Variants in CSMD1 observed in about 807,000 individuals in gnomAD.
CSMD1 encodes the protein CUB and Sushi multiple domains 1, also known as CUB and sushi domain-containing protein 1.
A neutral mutation model predicts 417.5 loss-of-function variants in CSMD1; 213 were observed. The observed-to-expected ratio is 0.51, with a 90% CI of 0.46 to 0.57. CSMD1 has a LOEUF of 0.57. CSMD1 is among the 20% of genes least tolerant of loss of function. The probability of loss-of-function intolerance (pLI) is 0.00; values close to 1 mark genes in which losing one functional copy is unlikely to be tolerated. For synonymous variants in CSMD1, 2,862 were observed against 1,736.8 expected, an observed-to-expected ratio of 1.65 and a Z score of -16.11; for missense variants, 6,923 against 4,529.7, an observed-to-expected ratio of 1.53 and a Z score of -15.17.
At position 4,262,906 on chromosome 8, in the gene CSMD1, T is replaced by C. The variant is rs182540694; in HGVS notation, c.415+157047A>G. ...CTCAAAACTGCCATCACAGAAGTCA[T>C]CATTTAAATTAATGATGAACCATAA... On this transcript the variant is annotated intron_variant, in intron 3 of 69. Transcript: ENST00000635120. Among the ~76,000 whole-genome samples, 6 of 152,274 alleles carry C rather than the reference T, an allele frequency of 3.9e-5. No individual in the cohort carries two copies. In the East Asian group the frequency reaches 5.8e-4, roughly 15 times the overall value.
intron 5 of CSMD1, among the ~76,000 whole-genome samples, chr8:3,775,001 C>A (rs1024613842): frequency 1.3e-5 from 2 of 151,964 alleles, no homozygotes; most frequent in South Asian, 4.1e-4. Flanking sequence ...TTCCCACTCC[C>A]GGCAGGACCA....
chr8:3,354,275 G>C (rs575852612), intron 21 of CSMD1, among the ~76,000 whole-genome samples: 80 of 152,242 alleles, frequency 5.3e-4, no homozygotes, highest in African/African-American at 1.9e-3. Context: ...ACATTTAACA[G>C]AGATGTTTCT....
chr8:3,582,832 C>G (rs528779051), intron 9 of CSMD1, among the ~76,000 whole-genome samples: 1 of 152,238 alleles, frequency 6.6e-6, no homozygotes, highest in Non-Finnish European at 1.5e-5. Flanking sequence ...CCTTTTTAGT[C>G]TAGCTACTAA....
At chr8:4,383,346 TGA>T (rs1803229553) in intron 3 of CSMD1, among the ~76,000 whole-genome samples, 1 of 152,154 alleles carries the variant, frequency 6.6e-6, no homozygotes, top group East Asian at 1.9e-4. Context: ...GATTTTATGA[TGA>T]GAGAGTTTTC....
intron 25 of CSMD1, among the ~76,000 whole-genome samples, chr8:3,292,541 C>G (rs565573194): frequency 6.6e-6 from 1 of 152,038 alleles, no homozygotes; most frequent in African/African-American, 2.4e-5. Context: ...TTTAGGAGAG[C>G]TAGCTTTTCT....
intron 5 of CSMD1, among the ~76,000 whole-genome samples, chr8:3,840,854 C>G (rs1005657515): frequency 6.6e-6 from 1 of 151,790 alleles, no homozygotes; most frequent in Non-Finnish European, 1.5e-5. Context: ...CGTACAGGCG[C>G]CTGTGACTAC....
chr8:4,223,548 G>T (rs964630506), intron 3 of CSMD1, among the ~76,000 whole-genome samples: 1 of 152,230 alleles, frequency 6.6e-6, no homozygotes, highest in Admixed American at 6.5e-5. Context: ...CACCAGGAGA[G>T]CTGGCCTGCA....
chr8:4,843,225 A>T (rs781022566), intron 1 of CSMD1, among the ~76,000 whole-genome samples: 3 of 152,178 alleles, frequency 2.0e-5, no homozygotes, highest in Admixed American at 6.5e-5. Flanking sequence ...GCTTTCCTGC[A>T]TCTTGTGATT....
chr8:4,594,138 G>A (rs1043004467), intron 2 of CSMD1, among the ~76,000 whole-genome samples: 3 of 144,260 alleles, frequency 2.1e-5, no homozygotes, highest in African/African-American at 5.1e-5. Flanking sequence ...CACTGGTCAT[G>A]TTGAATTAGG....
Position 3,128,691 on chromosome 8 carries a change from G to A in CSMD1, c.6242-10104C>T, listed in dbSNP as rs74304337. The A allele has an allele frequency of 4.3e-3, 1,497 of 351,480 alleles. 33 individuals carry two copies. The East Asian group carries it at 0.048, about 11-fold the overall frequency. 21.8% of individuals were successfully genotyped at this position (351,480 alleles called of 1,614,324 possible). A position where few individuals can be genotyped will look rare whatever the true frequency, so the allele number is the denominator to read the frequency against. ...CTCTGTCAGATATGATACCCTACAA[G>A]AAAATAAAATAGCTCAAATTCATGT... On this transcript the variant is annotated intron_variant, in intron 41 of 69. Coordinates refer to ENST00000635120, the MANE Select transcript of CSMD1 (RefSeq NM_033225.6).
intron 37 of CSMD1, among the ~76,000 whole-genome samples, chr8:3,174,446 G>T (rs1820783110): frequency 6.6e-6 from 1 of 152,160 alleles, no homozygotes; most frequent in African/African-American, 2.4e-5. Context: ...AGTGAGCTGA[G>T]ATCATGCCAC....
intron 7 of CSMD1, among the ~76,000 whole-genome samples, chr8:3,661,227 T>C (rs1048087928): frequency 2.6e-5 from 4 of 152,150 alleles, no homozygotes; most frequent in Non-Finnish European, 5.9e-5. Flanking sequence ...CGAGTATGCA[T>C]CTGTAACAAG....
intron 3 of CSMD1, among the ~76,000 whole-genome samples, chr8:4,147,482 T>C (rs530599715): frequency 1.2e-4 from 18 of 152,260 alleles, no homozygotes; most frequent in Admixed American, 1.1e-3. Flanking sequence ...ATGATTGCCT[T>C]TGTGCTCCCA....
At chr8:3,693,221 C>T (rs759698990) in intron 7 of CSMD1, among the ~76,000 whole-genome samples, 26 of 152,058 alleles carry the variant, frequency 1.7e-4, no homozygotes, top group Non-Finnish European at 2.5e-4. Flanking sequence ...ATGCTTGTCA[C>T]GACAACAGGC....
At chr8:4,310,106 C>T (rs147252949) in intron 3 of CSMD1, among the ~76,000 whole-genome samples, 12 of 152,282 alleles carry the variant, frequency 7.9e-5, no homozygotes, top group South Asian at 2.1e-4. Context: ...CAGAGATTCA[C>T]TTATCTCCCA....
At chr8:3,738,063 T>A (rs915665180) in intron 6 of CSMD1, among the ~76,000 whole-genome samples, 1 of 152,230 alleles carries the variant, frequency 6.6e-6, no homozygotes, top group African/African-American at 2.4e-5. Context: ...CAAACACTAA[T>A]GTAAATGATT....
chr8:3,923,390 T>A (rs569850384), intron 5 of CSMD1, among the ~76,000 whole-genome samples: 56 of 152,300 alleles, frequency 3.7e-4, no homozygotes, highest in African/African-American at 1.3e-3. Flanking sequence ...TTCCTTATTA[T>A]ATCATTTGCT....
In CSMD1 at chr8:3,421,918, G is replaced by A. The variant is rs144605834; in HGVS notation, c.1562-12313C>T. On this transcript the variant is annotated intron_variant, in intron 12 of 69. Coordinates refer to ENST00000635120, the MANE Select transcript of CSMD1 (RefSeq NM_033225.6). ...CGCCCAAAGTGCTGGGATTACAGGC[G>A]TGAGCCACGGCGCCCGGCCCCACAG... Among the ~76,000 whole-genome samples, 279 of 150,316 alleles carry A rather than the reference G, an allele frequency of 1.9e-3. 1 individual carries two copies. Among genetic ancestry groups the A allele is most frequent in the African/African-American group, 6.6e-3 (263 of 39,716 alleles).
chr8:4,896,711 G>C (rs547235520), intron 1 of CSMD1, among the ~76,000 whole-genome samples: 1 of 152,202 alleles, frequency 6.6e-6, no homozygotes, highest in African/African-American at 2.4e-5. Context: ...AAGACTTCAA[G>C]CTTGTGATGA....
Sources: gnomAD v4.1 joint callset for allele counts (sites outside exome capture counted in the v4.1 genomes callset) on GRCh38, gnomAD v4.1.1 for gene constraint, MANE v1.5 for transcripts, NCBI Gene and HGNC (gene_info 2026-07-23, HGNC 2026-07-21) for gene names.